SUGCT: variants seen among roughly 807,000 people sequenced by gnomAD.
The protein encoded by SUGCT is succinyl-CoA:glutarate-CoA transferase.
Under a neutral mutation model 55.0 loss-of-function variants are expected in SUGCT, and 41 were observed. The observed-to-expected ratio is 0.74, with a 90% CI of 0.58 to 0.97. The LOEUF (loss-of-function observed/expected upper bound fraction) is 0.97. Ranked by LOEUF, SUGCT falls within the 50% of genes least tolerant of loss-of-function variation. The probability of loss-of-function intolerance (pLI) is 0.00; values close to 1 mark genes in which losing one functional copy is unlikely to be tolerated. For synonymous variants in SUGCT, 187 were observed against 200.4 expected, an observed-to-expected ratio of 0.93 and a Z score of 0.56; for missense variants, 568 against 547.8, an observed-to-expected ratio of 1.04 and a Z score of -0.37.
At chr7:40,189,398 C>CTTTTTTTTTTTTTTTTT (rs771275549) in intron 4 of SUGCT, 146 bp from the exon 5 acceptor site, 1 of 143,912 alleles carries the variant, frequency 6.9e-6, no homozygotes, top group African/African-American at 3.1e-5. Flanking sequence ...AATACACATA[C>CTTTTTTTTTTTTTTTTT]TTTTTTTTTT....
intron 12 of SUGCT, among the ~76,000 whole-genome samples, chr7:40,602,071 TTAAG>T (rs1395601411): frequency 6.6e-6 from 1 of 152,190 alleles, no homozygotes; most frequent in Non-Finnish European, 1.5e-5. Context: ...TGGTTTCACT[TTAAG>T]TAATCTCAGC....
At chr7:40,209,072 A>C (rs1446684804) in intron 6 of SUGCT, among the ~76,000 whole-genome samples, 1 of 152,166 alleles carries the variant, frequency 6.6e-6, no homozygotes, top group Non-Finnish European at 1.5e-5. Flanking sequence ...CATTCCTAAA[A>C]TTGTCTAAGA....
chr7:40,541,227 T>C (rs2151618753), intron 12 of SUGCT, among the ~76,000 whole-genome samples: 1 of 152,208 alleles, frequency 6.6e-6, no homozygotes, highest in East Asian at 1.9e-4. Context: ...GTCACTAAAG[T>C]GACAATAAAT....
chr7:40,189,398 CT>C (rs771275549), intron 4 of SUGCT, 145 bp from the exon 5 acceptor site: 3,730 of 144,996 alleles, frequency 0.026, no homozygotes, highest in East Asian at 0.066. Context: ...AATACACATA[CT>C]TTTTTTTTTT....
intron 12 of SUGCT, among the ~76,000 whole-genome samples, chr7:40,664,945 A>G (rs1463978048): frequency 2.0e-5 from 3 of 148,148 alleles, no homozygotes; most frequent in Admixed American, 6.8e-5. Context: ...GCGCCACTGC[A>G]CTCCAGCCTG....
At chr7:40,898,848 A>C in the SUGCT span, among the ~76,000 whole-genome samples, 1 of 152,116 alleles carries the variant, frequency 6.6e-6, no homozygotes, top group Non-Finnish European at 1.5e-5. Context: ...TAGGTGATTC[A>C]TGTGATCAAA....
chr7:40,854,395 TTTTCTTTC>T (rs145101175), intron 13 of SUGCT, among the ~76,000 whole-genome samples: 1 of 124,298 alleles, frequency 8.0e-6, no homozygotes, highest in African/African-American at 2.9e-5. Context: ...ATCAAAATTT[TTTTCTTTC>T]TTTCTTTCTT....
At chr7:40,198,285 G>C (rs974939987) in intron 6 of SUGCT, among the ~76,000 whole-genome samples, 1 of 152,150 alleles carries the variant, frequency 6.6e-6, no homozygotes, top group Non-Finnish European at 1.5e-5. Flanking sequence ...TAAAACTCAG[G>C]CTTCTTGTCT....
At chr7:40,533,538 G>C (rs1396726834) in intron 12 of SUGCT, among the ~76,000 whole-genome samples, 1 of 151,882 alleles carries the variant, frequency 6.6e-6, no homozygotes, top group Non-Finnish European at 1.5e-5. Flanking sequence ...AAGAAATTTT[G>C]AAATTTAGCC....
At chr7:40,956,567 C>T in the SUGCT span, among the ~76,000 whole-genome samples, 3 of 152,064 alleles carry the variant, frequency 2.0e-5, no homozygotes, top group African/African-American at 2.4e-5. Flanking sequence ...TTTCAAAAAA[C>T]GAGCTCCTGA....
the SUGCT span, among the ~76,000 whole-genome samples, chr7:41,009,035 T>G: frequency 6.6e-6 from 1 of 152,016 alleles, no homozygotes; most frequent in Non-Finnish European, 1.5e-5. Flanking sequence ...GTGACTTATT[T>G]TGGGGAAAAT....
At chr7:40,790,149 C>G (rs1393402828) in intron 13 of SUGCT, among the ~76,000 whole-genome samples, 1 of 152,162 alleles carries the variant, frequency 6.6e-6, no homozygotes, top group Non-Finnish European at 1.5e-5. Context: ...CCCATAATCC[C>G]CATGTGTCAT....
At chr7:40,831,060 T>C (rs1792640043) in intron 13 of SUGCT, among the ~76,000 whole-genome samples, 1 of 151,986 alleles carries the variant, frequency 6.6e-6, no homozygotes, top group Non-Finnish European at 1.5e-5. Context: ...TTCTAAGAGG[T>C]TAAGTATTTA....
intron 7 of SUGCT, among the ~76,000 whole-genome samples, chr7:40,246,878 C>G (rs756961860): frequency 1.6e-4 from 25 of 151,912 alleles, no homozygotes; most frequent in Non-Finnish European, 3.1e-4. Flanking sequence ...AGATTACAGA[C>G]GTGAGCCACC....
chr7:40,971,449 G>T, the SUGCT span, among the ~76,000 whole-genome samples: 1 of 152,028 alleles, frequency 6.6e-6, no homozygotes, highest in Non-Finnish European at 1.5e-5. Context: ...CCAGGCAAAT[G>T]ATGATGAGAA....
At chr7:40,936,177 A>G in the SUGCT span, among the ~76,000 whole-genome samples, 2 of 151,986 alleles carry the variant, frequency 1.3e-5, no homozygotes, top group Non-Finnish European at 2.9e-5. Flanking sequence ...TTAAATGTTC[A>G]GTATAATTCA....
intron 9 of SUGCT, among the ~76,000 whole-genome samples, chr7:40,345,500 T>C (rs1211633647): frequency 2.0e-5 from 3 of 152,248 alleles, no homozygotes; most frequent in African/African-American, 7.2e-5. Context: ...ATTTCATTTT[T>C]ATGACTTTTA....
chr7:40,837,596 AT>A (rs1221590492), intron 13 of SUGCT, among the ~76,000 whole-genome samples: 1 of 151,768 alleles, frequency 6.6e-6, no homozygotes, highest in African/African-American at 2.4e-5. Flanking sequence ...TATTATTATT[AT>A]TTTTGAGACA....
rs548768561 is a variant in SUGCT at position 40,591,400 on chromosome 7, T to C, written c.1089+95014T>C. ...TGAATGGATGAGAAGTTGCTTCTTA[T>C]GGATGAGCAAAGAAAGCAATTTATT... On this transcript the variant is annotated intron_variant, in intron 12 of 13. Coordinates refer to ENST00000335693, the MANE Select transcript of SUGCT (RefSeq NM_001193313.2). 2.0e-5 allele frequency among the ~76,000 whole-genome samples: 3 copies of C among 152,322 alleles called. No individual in the cohort carries two copies. The East Asian group carries it at 5.8e-4, about 29-fold the overall frequency.
Sources: allele counts gnomAD v4.1 joint callset (sites outside exome capture counted in the v4.1 genomes callset), GRCh38; gene constraint gnomAD v4.1.1; transcripts MANE v1.5; gene names NCBI Gene and HGNC (gene_info 2026-07-23, HGNC 2026-07-21).